The following KIAA1549L variants were observed in gnomAD, a reference collection of about 807,000 sequenced individuals.
KIAA1549L encodes UPF0606 protein KIAA1549L.
A neutral mutation model predicts 160.7 loss-of-function variants in KIAA1549L; 88 were observed. The ratio of observed to expected loss-of-function variants is 0.55; its 90% CI spans 0.46 to 0.65. KIAA1549L has a LOEUF of 0.65. Ranked by LOEUF, KIAA1549L falls within the 30% of genes least tolerant of loss-of-function variation. The probability of loss-of-function intolerance (pLI) is 0.00; values close to 1 mark genes in which losing one functional copy is unlikely to be tolerated. For synonymous variants in KIAA1549L, 950 were observed against 976.7 expected (o/e 0.97, Z 0.51); for missense variants, 2,258 against 2,437.5 (o/e 0.93, Z 1.55).
intron 18 of KIAA1549L, among the ~76,000 whole-genome samples, chr11:33,657,658 G>A (rs1003274937): frequency 8.5e-5 from 13 of 152,094 alleles, no homozygotes; most frequent in East Asian, 1.9e-4. Context: ...TTAGGTGGGC[G>A]TACTGGCATG....
chr11:33,477,507 G>GCACGCGCGCA (rs374982374), intron 1 of KIAA1549L, among the ~76,000 whole-genome samples: 33 of 131,822 alleles, frequency 2.5e-4, no homozygotes, highest in African/African-American at 8.0e-4. Flanking sequence ...GCAGGTGCAC[G>GCACGCGCGCA]CACACACACA....
chr11:33,660,374 G>A (rs146567162), intron 19 of KIAA1549L, among the ~76,000 whole-genome samples: 12,211 of 152,174 alleles, frequency 0.08, 531 homozygotes, highest in East Asian at 0.18. Flanking sequence ...TCAGGAGTTC[G>A]AGACCACGGT....
intron 1 of KIAA1549L, among the ~76,000 whole-genome samples, chr11:33,391,132 A>G (rs763902938): frequency 2.8e-4 from 43 of 152,230 alleles, no homozygotes; most frequent in Admixed American, 7.2e-4. Context: ...TATAGTCCCA[A>G]TGGTACAACC....
intron 16 of KIAA1549L, among the ~76,000 whole-genome samples, chr11:33,632,517 G>A (rs1278470684): frequency 3.3e-5 from 5 of 152,168 alleles, no homozygotes; most frequent in Non-Finnish European, 7.3e-5. Context: ...GAGAGAAGGA[G>A]ATGGATGCTG....
intron 16 of KIAA1549L, among the ~76,000 whole-genome samples, chr11:33,642,612 G>A (rs1370577618): frequency 6.6e-6 from 1 of 151,942 alleles, no homozygotes; most frequent in Non-Finnish European, 1.5e-5. Flanking sequence ...GGTGGAAATG[G>A]TTATGACAGA....
At position 33,583,430 on chromosome 11, in the gene KIAA1549L, G is replaced by A; in HGVS notation, c.4495G>A (p.Ala1499Thr). ...VVTVIIIIITAVLCRKNKNDF... is the reference protein window; with the variant it reads ...VVTVIIIIITTVLCRKNKNDF... ...CACGGTCATCATCATCATCATCACT[G>A]CCGTGCTCTGCAGGAAGAACAAGAA... The change falls in exon 11 of 21, where the codon GCC becomes ACC. Residue 1499 changes from alanine to threonine, a missense_variant. Around this residue, in one of 6 missense-constraint regions of KIAA1549L, gnomAD observed 1,359 missense variants for 1,546.6 expected, o/e 0.88. Transcript: ENST00000658780. 1 of 1,593,878 alleles carries A rather than the reference G, an allele frequency of 6.3e-7. No homozygotes were observed. Among genetic ancestry groups the A allele is most frequent in the Non-Finnish European group, 8.5e-7 (1 of 1,170,362 alleles).
intron 8 of KIAA1549L, among the ~76,000 whole-genome samples, chr11:33,566,651 G>C (rs905274310): frequency 1.2e-4 from 19 of 152,212 alleles, no homozygotes; most frequent in African/African-American, 4.6e-4. Flanking sequence ...TTTCTCGCTT[G>C]ATCTATTTAA....
At chr11:33,608,771 GGA>G (rs1408896198) in intron 14 of KIAA1549L, among the ~76,000 whole-genome samples, 2 of 152,202 alleles carry the variant, frequency 1.3e-5, no homozygotes, top group Non-Finnish European at 2.9e-5. Flanking sequence ...TTAAAGGAAT[GGA>G]CCTTGCTGGC....
intron 1 of KIAA1549L, among the ~76,000 whole-genome samples, chr11:33,473,785 T>C (rs1455775734): frequency 6.6e-6 from 1 of 152,206 alleles, no homozygotes; most frequent in Non-Finnish European, 1.5e-5. Flanking sequence ...TCTTCTCCAC[T>C]GGTCAAATCC....
intron 1 of KIAA1549L, among the ~76,000 whole-genome samples, chr11:33,539,913 T>A (rs1219375732): frequency 1.3e-5 from 2 of 152,242 alleles, no homozygotes; most frequent in African/African-American, 4.8e-5. Context: ...TTCTCAAGAT[T>A]GTTCATAGAA....
intron 1 of KIAA1549L, among the ~76,000 whole-genome samples, chr11:33,417,122 A>G (rs2134096551): frequency 6.6e-6 from 1 of 152,348 alleles, no homozygotes; most frequent in South Asian, 2.1e-4. Context: ...TGAGAAATTA[A>G]ATTTTAAATT....
intron 1 of KIAA1549L, among the ~76,000 whole-genome samples, chr11:33,486,131 A>G (rs1852520836): frequency 6.6e-6 from 1 of 152,178 alleles, no homozygotes; most frequent in Non-Finnish European, 1.5e-5. Flanking sequence ...TCCTTTGGGT[A>G]TATACCACAA....
rs370933400 is a variant in KIAA1549L at position 33,667,431 on chromosome 11, C to T, written c.6160-442C>T. Among the ~76,000 whole-genome samples the T allele has an allele frequency of 6.3e-4, 95 of 151,378 alleles. No homozygotes were observed. The East Asian group carries it at 0.016, about 25-fold the overall frequency. On this transcript the variant is annotated intron_variant, in intron 20 of 20. Transcript: ENST00000658780. ...TTTTTGAGACGGAGTCTCACTCTGTCGCCCAGGCTGGAGTGCAGTGGTACA... is the reference window on the plus strand; with the variant it reads ...TTTTTGAGACGGAGTCTCACTCTGTTGCCCAGGCTGGAGTGCAGTGGTACA...
intron 16 of KIAA1549L, among the ~76,000 whole-genome samples, chr11:33,619,701 T>C (rs1850909637): frequency 6.6e-6 from 1 of 152,232 alleles, no homozygotes; most frequent in Admixed American, 6.5e-5. Flanking sequence ...TATCTTTTGT[T>C]TCTTTTTCCT....
At chr11:33,482,816 C>T (rs780372737) in intron 1 of KIAA1549L, among the ~76,000 whole-genome samples, 5 of 151,990 alleles carry the variant, frequency 3.3e-5, no homozygotes, top group East Asian at 1.9e-4. Flanking sequence ...GTTATCCACC[C>T]GCCTCACCTC....
At chr11:33,631,282 G>GCA (rs1339919518) in intron 16 of KIAA1549L, among the ~76,000 whole-genome samples, 2,760 of 152,278 alleles carry the variant, frequency 0.018, 92 homozygotes, top group African/African-American at 0.063. Flanking sequence ...GCTGACGCGT[G>GCA]TTACTCCTTC....
At chr11:33,461,674 A>G (rs960425176) in intron 1 of KIAA1549L, among the ~76,000 whole-genome samples, 2 of 152,212 alleles carry the variant, frequency 1.3e-5, no homozygotes, top group Non-Finnish European at 2.9e-5. Flanking sequence ...ATCTACCTAA[A>G]TAATAAAATC....
At chr11:33,586,269 C>T (rs1167791004) in intron 11 of KIAA1549L, among the ~76,000 whole-genome samples, 1 of 152,222 alleles carries the variant, frequency 6.6e-6, no homozygotes, top group Non-Finnish European at 1.5e-5. Context: ...CTTCTTGAGA[C>T]TCAGTAATAA....
chr11:33,643,303 C>T (rs1303539539), intron 16 of KIAA1549L, among the ~76,000 whole-genome samples: 1 of 152,080 alleles, frequency 6.6e-6, no homozygotes, highest in African/African-American at 2.4e-5. Context: ...GCCTAGCACT[C>T]CCCTACCAAC....
Sources: allele counts gnomAD v4.1 joint callset (sites outside exome capture counted in the v4.1 genomes callset), GRCh38; gene constraint gnomAD v4.1.1; regional missense constraint gnomAD v4.1.1; transcripts MANE v1.5; gene names NCBI Gene and HGNC (gene_info 2026-07-23, HGNC 2026-07-21).